Variants in SCAPER observed in about 807,000 individuals in gnomAD.
SCAPER encodes the protein S-phase cyclin A associated protein in the ER.
SCAPER carries 98 observed loss-of-function variants against 182.2 expected under a neutral mutation model. The observed-to-expected ratio is 0.54, with a 90% CI of 0.46 to 0.64. The LOEUF (loss-of-function observed/expected upper bound fraction) is 0.64. SCAPER is among the 30% of genes least tolerant of loss of function. SCAPER has a pLI of 0.00. For missense variants in SCAPER, 1,432 were observed against 1,690.0 expected, an observed-to-expected ratio of 0.85 and a Z score of 2.68; for synonymous variants, 605 against 564.6, an observed-to-expected ratio of 1.07 and a Z score of -1.01.
At chr15:76,410,932 C>T (rs2142213523) in intron 26 of SCAPER, among the ~76,000 whole-genome samples, 1 of 152,282 alleles carries the variant, frequency 6.6e-6, no homozygotes, top group African/African-American at 2.4e-5. Flanking sequence ...TCTGCTGTCA[C>T]TGTGATTAAT....
rs531309280 is a variant in SCAPER at position 76,643,575 on chromosome 15, G to A, written c.2646-21746C>T. 3.0e-4 allele frequency among the ~76,000 whole-genome samples: 45 copies of A among 152,190 alleles called. No individual in the cohort carries two copies. In the South Asian group the frequency reaches 7.5e-3, roughly 25 times the overall value. ...CACGCACCTGTAGTCCCAGCTACTC[G>A]GGAGGCTGTGGCAGGAGAATCGCTT... On this transcript the variant is annotated intron_variant, in intron 21 of 31. Transcript: ENST00000563290.
intron 23 of SCAPER, among the ~76,000 whole-genome samples, chr15:76,530,940 T>C (rs2043606031): frequency 6.6e-6 from 1 of 151,396 alleles, no homozygotes; most frequent in South Asian, 2.1e-4. Context: ...TGTATACATA[T>C]ATATGTATAT....
At chr15:76,440,918 G>GTT (rs1187911987) in intron 25 of SCAPER, among the ~76,000 whole-genome samples, 34 of 62,662 alleles carry the variant, frequency 5.4e-4, no homozygotes, top group African/African-American at 2.1e-3. Flanking sequence ...TTTTTTTTTT[G>GTT]TTTTTTTTTT....
chr15:76,350,229 T>C (rs2040442857), intron 31 of SCAPER: 1 of 152,208 alleles, frequency 6.6e-6, no homozygotes, highest in Non-Finnish European at 1.5e-5. Context: ...TTCTGAAAAG[T>C]TGCATAGCTT....
chr15:76,878,925 A>T (rs917488482), intron 2 of SCAPER, among the ~76,000 whole-genome samples: 10 of 152,224 alleles, frequency 6.6e-5, no homozygotes, highest in African/African-American at 2.4e-4. Flanking sequence ...ACTAAGAATC[A>T]GTCATCAAAA....
Position 76,573,689 on chromosome 15 carries a change from C to G in SCAPER, c.2838+469G>C, listed in dbSNP as rs1342713483. ...ATTTTCCTATAGTGAATAATAAATA[C>G]TTTAAAAATCACTGAGGATATTTAA... On this transcript the variant is annotated intron_variant, in intron 23 of 31. Transcript: ENST00000563290. Among the ~76,000 whole-genome samples the G allele has an allele frequency of 2.6e-5, 4 of 151,906 alleles. No individual in the cohort carries two copies. In the East Asian group the frequency reaches 5.8e-4, roughly 22 times the overall value.
chr15:76,355,129 G>A (rs1321447423), intron 29 of SCAPER, among the ~76,000 whole-genome samples: 1 of 152,180 alleles, frequency 6.6e-6, no homozygotes, highest in East Asian at 1.9e-4. Context: ...AGCAGAGGCA[G>A]GAGTAACATA....
intron 23 of SCAPER, among the ~76,000 whole-genome samples, chr15:76,559,916 ATG>A (rs147544967): frequency 2.7e-4 from 40 of 150,836 alleles, no homozygotes; most frequent in African/African-American, 6.8e-4. Flanking sequence ...CAACTTGTAT[ATG>A]TGTGTGTGTG....
intron 5 of SCAPER, among the ~76,000 whole-genome samples, chr15:76,833,516 A>ATTGACC (rs1422248237): frequency 6.6e-6 from 1 of 152,222 alleles, no homozygotes; most frequent in Admixed American, 6.5e-5. Context: ...ACATATCAAT[A>ATTGACC]TTGACCTTGA....
intron 20 of SCAPER, among the ~76,000 whole-genome samples, chr15:76,678,956 A>C (rs1339097351): frequency 6.6e-6 from 1 of 152,176 alleles, no homozygotes; most frequent in Non-Finnish European, 1.5e-5. Flanking sequence ...CTAAGACCAA[A>C]GGAATCTGTA....
At position 76,677,106 on chromosome 15, in the gene SCAPER, A is replaced by C. The variant is rs571084657; in HGVS notation, c.2509-11317T>G. Among the ~76,000 whole-genome samples, 6 of 152,252 alleles carry C rather than the reference A, an allele frequency of 3.9e-5. 1 individual carries two copies. Among genetic ancestry groups the C allele is most frequent in the African/African-American group, 1.4e-4 (6 of 41,566 alleles). On this transcript the variant is annotated intron_variant, in intron 20 of 31. Transcript: ENST00000563290. ...TATACCCTGTGAGACACAGTAGATA[A>C]GACTGACTTACTCATTTTCAAAATG...
intron 20 of SCAPER, among the ~76,000 whole-genome samples, chr15:76,683,637 A>C (rs779951546): frequency 7.2e-5 from 11 of 152,084 alleles, no homozygotes; most frequent in Non-Finnish European, 1.5e-4. Flanking sequence ...TGAAAGAAAA[A>C]AAAATGTTAA....
In SCAPER at chr15:76,397,492, T is replaced by TTG. The variant is rs1207065844; in HGVS notation, c.3467+7031_3467+7032insCA. ...TGGCAGACTTTTTTTTTTTTTTTTT[T>TTG]TTTTTGAGACGGAGTTTCACTCTTG... On this transcript the variant is annotated intron_variant, in intron 27 of 31. Coordinates refer to ENST00000563290, the MANE Select transcript of SCAPER (RefSeq NM_020843.4). Among the ~76,000 whole-genome samples, 40 of 145,520 alleles carry TTG rather than the reference T, an allele frequency of 2.7e-4. 1 individual carries two copies. The East Asian group carries it at 6.8e-3, about 25-fold the overall frequency.
intron 29 of SCAPER, among the ~76,000 whole-genome samples, chr15:76,357,346 C>A (rs1484485404): frequency 6.6e-6 from 1 of 152,074 alleles, no homozygotes; most frequent in Admixed American, 6.6e-5. Flanking sequence ...GGCCAACAAG[C>A]ATATGAAAAA....
chr15:76,773,263 T>C (rs2151326324), intron 9 of SCAPER, among the ~76,000 whole-genome samples: 1 of 151,978 alleles, frequency 6.6e-6, no homozygotes, highest in South Asian at 2.1e-4. Context: ...AGAAAACAAA[T>C]ATCATTAACT....
intron 16 of SCAPER, 134 bp from the exon 17 acceptor site, chr15:76,728,871 T>G (rs1462897931): frequency 1.1e-6 from 1 of 901,976 alleles, no homozygotes; most frequent in Non-Finnish European, 1.6e-6. Flanking sequence ...GTACTCTGCT[T>G]CTTAAAGTTT....
chr15:76,566,543 G>C (rs142182488), intron 23 of SCAPER, among the ~76,000 whole-genome samples: 1 of 152,114 alleles, frequency 6.6e-6, no homozygotes, highest in East Asian at 1.9e-4. Flanking sequence ...CACAGAAAAG[G>C]TTCTGGGATG....
At chr15:76,536,639 C>T (rs535290136) in intron 23 of SCAPER, among the ~76,000 whole-genome samples, 18 of 152,122 alleles carry the variant, frequency 1.2e-4, no homozygotes, top group African/African-American at 4.1e-4. Context: ...GGAAGCATTC[C>T]CTTTGAAAAC....
chr15:76,509,888 G>A (rs957170111), intron 23 of SCAPER, among the ~76,000 whole-genome samples: 6 of 152,094 alleles, frequency 3.9e-5, no homozygotes, highest in Admixed American at 6.6e-5. Context: ...ACAGACCAAC[G>A]GAACAGAACA....
Sources: gnomAD v4.1 joint callset for allele counts (sites outside exome capture counted in the v4.1 genomes callset) on GRCh38, gnomAD v4.1.1 for gene constraint, MANE v1.5 for transcripts, NCBI Gene and HGNC (gene_info 2026-07-23, HGNC 2026-07-21) for gene names.